Variants in GPC5 observed in about 807,000 individuals in gnomAD.
GPC5 encodes glypican-5.
A neutral mutation model predicts 53.9 loss-of-function variants in GPC5; 47 were observed. The observed-to-expected ratio is 0.87, with a 90% CI of 0.69 to 1.11. The LOEUF (loss-of-function observed/expected upper bound fraction) is 1.11, where lower values mean the gene tolerates loss of function less well. Ranked by LOEUF, GPC5 falls within the 50% of genes most tolerant of loss-of-function variation. GPC5 has a pLI of 0.00. For missense variants in GPC5, 748 were observed against 713.1 expected (o/e 1.05, Z -0.56); for synonymous variants, 286 against 263.3 (o/e 1.09, Z -0.84).
intron 1 of GPC5, among the ~76,000 whole-genome samples, chr13:91,425,101 A>T (rs1014022024): frequency 6.6e-6 from 1 of 152,194 alleles, no homozygotes; most frequent in African/African-American, 2.4e-5. Flanking sequence ...TGGAAGATTT[A>T]TGTTTGTATA....
In GPC5 at chr13:92,449,805, G is replaced by C. The variant is rs553318899; in HGVS notation, c.1561+304816G>C. 8.5e-5 allele frequency among the ~76,000 whole-genome samples: 13 copies of C among 152,070 alleles called. No individual in the cohort carries two copies. In the East Asian group the frequency reaches 1.5e-3, roughly 18 times the overall value. Reference sequence around the variant, plus strand: ...CATTGAAAAAACAAAAAATTATTTAGCATATGTTTCATATGTTTTTATGTT... The same window carrying C: ...CATTGAAAAAACAAAAAATTATTTACCATATGTTTCATATGTTTTTATGTT... On this transcript the variant is annotated intron_variant, in intron 7 of 7. Coordinates refer to ENST00000377067, the MANE Select transcript of GPC5 (RefSeq NM_004466.6).
intron 2 of GPC5, among the ~76,000 whole-genome samples, chr13:91,523,889 T>A (rs4773637): frequency 0.99 from 150,228 of 152,198 alleles, 74,177 homozygotes; most frequent in East Asian, 1. Context: ...TGTTTTGAGT[T>A]CACCTTTAAA....
chr13:92,672,104 A>C (rs557356371), intron 7 of GPC5, among the ~76,000 whole-genome samples: 1 of 152,250 alleles, frequency 6.6e-6, no homozygotes, highest in Admixed American at 6.5e-5. Flanking sequence ...TAAGTTCCAG[A>C]CTTCAGTTTT....
intron 5 of GPC5, among the ~76,000 whole-genome samples, chr13:91,791,768 A>G (rs923544250): frequency 6.6e-6 from 1 of 151,892 alleles, no homozygotes; most frequent in African/African-American, 2.4e-5. Context: ...CATACATCTC[A>G]AAGTCCAGCA....
intron 6 of GPC5, among the ~76,000 whole-genome samples, chr13:92,018,092 A>G (rs751072449): frequency 2.0e-5 from 3 of 152,112 alleles, no homozygotes; most frequent in Non-Finnish European, 2.9e-5. Context: ...AAGAACTGGT[A>G]TCTGGAGCAA....
intron 1 of GPC5, among the ~76,000 whole-genome samples, chr13:91,448,323 T>G (rs1241993120): frequency 6.6e-6 from 1 of 152,220 alleles, no homozygotes; most frequent in African/African-American, 2.4e-5. Flanking sequence ...TCAAGTTTTT[T>G]GACCTTTATG....
chr13:92,264,837 T>A (rs1002493993), intron 7 of GPC5, among the ~76,000 whole-genome samples: 1 of 151,856 alleles, frequency 6.6e-6, no homozygotes, highest in Non-Finnish European at 1.5e-5. Flanking sequence ...TTTTTTTGTG[T>A]CTTGTATATG....
intron 7 of GPC5, among the ~76,000 whole-genome samples, chr13:92,593,211 AGGG>A (rs2139070283): frequency 6.6e-6 from 1 of 151,332 alleles, no homozygotes; most frequent in East Asian, 1.9e-4. Flanking sequence ...AGAGAAAAAA[AGGG>A]AGACATAAGG....
Position 92,163,950 on chromosome 13 carries a change from G to C in GPC5, c.1561+18961G>C, listed in dbSNP as rs571561221. Among the ~76,000 whole-genome samples the C allele has an allele frequency of 2.0e-5, 3 of 152,254 alleles. No homozygotes were observed. The South Asian group carries it at 6.2e-4, about 32-fold the overall frequency. Reference sequence around the variant, plus strand: ...CACATCTTCACAGGGTGGCAGGAGAGAATGAGAGAAGTACAGAGCAAAGGT... The same window carrying C: ...CACATCTTCACAGGGTGGCAGGAGACAATGAGAGAAGTACAGAGCAAAGGT... On this transcript the variant is annotated intron_variant, in intron 7 of 7. Transcript: ENST00000377067.
chr13:92,284,928 A>G (rs1304268974), intron 7 of GPC5, among the ~76,000 whole-genome samples: 1 of 152,184 alleles, frequency 6.6e-6, no homozygotes, highest in African/African-American at 2.4e-5. Context: ...AGGGTATTCA[A>G]TTAGGAAAAG....
intron 2 of GPC5, among the ~76,000 whole-genome samples, chr13:91,507,963 A>G (rs915667443): frequency 1.3e-5 from 2 of 152,242 alleles, no homozygotes; most frequent in Non-Finnish European, 2.9e-5. Context: ...ATCTTAAACA[A>G]TGATACTAAA....
At chr13:91,657,682 G>T (rs558849597) in intron 2 of GPC5, among the ~76,000 whole-genome samples, 1 of 152,096 alleles carries the variant, frequency 6.6e-6, no homozygotes, top group South Asian at 2.1e-4. Flanking sequence ...TCAATTTGAG[G>T]TACTCACTAA....
intron 2 of GPC5, among the ~76,000 whole-genome samples, chr13:91,502,249 A>G (rs771178897): frequency 5.3e-5 from 8 of 151,900 alleles, no homozygotes; most frequent in Admixed American, 2.0e-4. Flanking sequence ...CTTTAGTTTA[A>G]TTAGATCCCA....
chr13:92,641,634 AG>A (rs1184104045), intron 7 of GPC5, among the ~76,000 whole-genome samples: 2 of 152,088 alleles, frequency 1.3e-5, no homozygotes, highest in African/African-American at 4.8e-5. Flanking sequence ...AATTGGTTTG[AG>A]GGGAAGAATT....
intron 7 of GPC5, among the ~76,000 whole-genome samples, chr13:92,359,725 GA>G (rs2043550616): frequency 6.6e-6 from 1 of 151,618 alleles, no homozygotes; most frequent in Admixed American, 6.6e-5. Context: ...AGCAGGAAGA[GA>G]GGGCAGAGGT....
At chr13:92,202,362 A>G (rs2042301506) in intron 7 of GPC5, among the ~76,000 whole-genome samples, 1 of 152,208 alleles carries the variant, frequency 6.6e-6, no homozygotes, top group Non-Finnish European at 1.5e-5. Flanking sequence ...ATTAGTGTTT[A>G]TACATTCAGA....
chr13:92,773,874 C>T lies in GPC5; in HGVS notation c.1562-92408C>T, dbSNP rs369444862. On this transcript the variant is annotated intron_variant, in intron 7 of 7. Transcript: ENST00000377067. ...AAAGAAAAGAAGTTTAATGAACTCA[C>T]AGTTCCACATGTCTGAGGAGGCCTC... 1.8e-4 allele frequency among the ~76,000 whole-genome samples: 28 copies of T among 152,320 alleles called. No homozygotes were observed. In the East Asian group the frequency reaches 1.9e-3, roughly 11 times the overall value.
At chr13:92,449,945 T>G (rs1206774065) in intron 7 of GPC5, among the ~76,000 whole-genome samples, 1 of 152,100 alleles carries the variant, frequency 6.6e-6, no homozygotes, top group Non-Finnish European at 1.5e-5. Context: ...CTTTCAACCC[T>G]TTAAAAAAAA....
At chr13:92,342,669 T>TTG (rs1447877123) in intron 7 of GPC5, among the ~76,000 whole-genome samples, 6 of 152,108 alleles carry the variant, frequency 3.9e-5, no homozygotes, top group African/African-American at 1.4e-4. Context: ...TTAAGGTATT[T>TTG]TGTTACAGTA....
Sources: gnomAD v4.1 joint callset for allele counts (sites outside exome capture counted in the v4.1 genomes callset) on GRCh38, gnomAD v4.1.1 for gene constraint, MANE v1.5 for transcripts, NCBI Gene and HGNC (gene_info 2026-07-23, HGNC 2026-07-21) for gene names.